NAALADL2: variants seen among roughly 807,000 people sequenced by gnomAD.
The protein encoded by NAALADL2 is N-acetylated alpha-linked acidic dipeptidase like 2.
NAALADL2 carries 76 observed loss-of-function variants against 87.2 expected under a neutral mutation model. That is an observed-to-expected ratio of 0.87 (90% CI 0.72 to 1.05). The LOEUF is 1.05. NAALADL2 is among the 50% of genes least tolerant of loss of function. The pLI is 0.00. For synonymous variants in NAALADL2, 354 were observed against 331.0 expected (o/e 1.07, Z -0.75); for missense variants, 1,089 against 945.8 (o/e 1.15, Z -1.99).
At chr3:174,470,726 A>G (rs946396825) in intron 1 of NAALADL2, among the ~76,000 whole-genome samples, 2 of 152,112 alleles carry the variant, frequency 1.3e-5, no homozygotes, top group African/African-American at 4.8e-5. Flanking sequence ...TGAATAGGGT[A>G]TCCTTTTCCT....
intron 5 of NAALADL2, among the ~76,000 whole-genome samples, chr3:175,339,022 A>G (rs866431445): frequency 2.6e-5 from 4 of 152,336 alleles, no homozygotes; most frequent in Middle Eastern, 3.4e-3. Flanking sequence ...TCACTGAAAC[A>G]AAGCCTCCAG....
intron 3 of NAALADL2, among the ~76,000 whole-genome samples, chr3:174,847,605 C>A (rs987027591): frequency 1.3e-5 from 2 of 152,096 alleles, no homozygotes; most frequent in African/African-American, 4.8e-5. Context: ...AGAGACTAAA[C>A]CATCTTATTA....
intron 4 of NAALADL2, among the ~76,000 whole-genome samples, chr3:175,282,846 T>G (rs1044484180): frequency 6.6e-6 from 1 of 151,994 alleles, no homozygotes; most frequent in African/African-American, 2.4e-5. Context: ...TATTTTATTT[T>G]TATCTACTTT....
chr3:174,706,756 T>G (rs1730108447), intron 2 of NAALADL2, among the ~76,000 whole-genome samples: 1 of 152,216 alleles, frequency 6.6e-6, no homozygotes, highest in Non-Finnish European at 1.5e-5. Flanking sequence ...CTTCTAGGGT[T>G]TTTATGGTTT....
chr3:174,560,475 C>T (rs1179749221), intron 2 of NAALADL2, among the ~76,000 whole-genome samples: 1 of 152,140 alleles, frequency 6.6e-6, no homozygotes, highest in Admixed American at 6.5e-5. Flanking sequence ...TCTTTGAGGG[C>T]AGATACTGAC....
chr3:174,670,921 T>C (rs1726469494), intron 2 of NAALADL2, among the ~76,000 whole-genome samples: 1 of 152,016 alleles, frequency 6.6e-6, no homozygotes, highest in Non-Finnish European at 1.5e-5. Context: ...ACTATCCACC[T>C]TTGTACTGTC....
chr3:175,787,856 ATAAAG>A (rs1384855010), intron 13 of NAALADL2, among the ~76,000 whole-genome samples: 2 of 152,246 alleles, frequency 1.3e-5, no homozygotes, highest in African/African-American at 4.8e-5. Flanking sequence ...TACAAAGTTC[ATAAAG>A]TAAAATAGTT....
chr3:174,873,350 G>A (rs1427607482), intron 1 of NAALADL2, among the ~76,000 whole-genome samples: 1 of 151,942 alleles, frequency 6.6e-6, no homozygotes, highest in Non-Finnish European at 1.5e-5. Context: ...CGCCTCCCGG[G>A]TTCAAGTGAT....
chr3:175,505,416 C>T (rs1035210568), intron 9 of NAALADL2, among the ~76,000 whole-genome samples: 4 of 152,082 alleles, frequency 2.6e-5, no homozygotes. Context: ...CCAAGTCAAC[C>T]CACAGTCCAT....
chr3:175,607,903 A>G (rs529628773), intron 10 of NAALADL2, among the ~76,000 whole-genome samples: 920 of 58,186 alleles, frequency 0.016, 7 homozygotes, highest in African/African-American at 0.046. Flanking sequence ...CATGGAACAC[A>G]CACACACACG....
At chr3:175,015,834 A>G (rs1188188542) in intron 1 of NAALADL2, among the ~76,000 whole-genome samples, 1 of 152,100 alleles carries the variant, frequency 6.6e-6, no homozygotes, top group African/African-American at 2.4e-5. Flanking sequence ...AAAAATAAGT[A>G]ATTTATGAGG....
chr3:174,804,313 T>G (rs531099200), intron 3 of NAALADL2, among the ~76,000 whole-genome samples: 1 of 152,306 alleles, frequency 6.6e-6, no homozygotes, highest in South Asian at 2.1e-4. Flanking sequence ...TGCACATTGA[T>G]TTTGTATCCT....
At chr3:175,610,343 T>C (rs766169600) in intron 10 of NAALADL2, among the ~76,000 whole-genome samples, 3 of 152,176 alleles carry the variant, frequency 2.0e-5, no homozygotes, top group Admixed American at 6.5e-5. Context: ...TATTTAACAA[T>C]GTCAATGACT....
intron 13 of NAALADL2, among the ~76,000 whole-genome samples, chr3:175,768,743 T>C (rs1313528220): frequency 6.6e-6 from 1 of 151,820 alleles, no homozygotes; most frequent in African/African-American, 2.4e-5. Context: ...TCCTAGCTTC[T>C]CAGGAGGCTG....
chr3:175,466,833 G>A, intron 7 of NAALADL2, 146 bp from the exon 8 acceptor site: 1 of 667,974 alleles, frequency 1.5e-6, no homozygotes, highest in Non-Finnish European at 2.6e-6. Flanking sequence ...TTAAGACAGT[G>A]AGCAAAAAAA....
intron 12 of NAALADL2, 93 bp from the exon 13 acceptor site, chr3:175,755,127 G>T: frequency 1.9e-6 from 2 of 1,045,650 alleles, no homozygotes; most frequent in Non-Finnish European, 1.4e-6. Flanking sequence ...TCAGTGGTCT[G>T]TCTGGCTTAT....
At chr3:175,607,505 T>G (rs1582602930) in intron 10 of NAALADL2, among the ~76,000 whole-genome samples, 1 of 151,736 alleles carries the variant, frequency 6.6e-6, no homozygotes, top group Admixed American at 6.6e-5. Context: ...CTAATCTCTA[T>G]TTTATGGGCA....
chr3:174,709,510 G>T (rs1730420832), intron 2 of NAALADL2, among the ~76,000 whole-genome samples: 1 of 152,062 alleles, frequency 6.6e-6, no homozygotes, highest in Non-Finnish European at 1.5e-5. Flanking sequence ...GGTTTCTAAA[G>T]TTAATATTAT....
intron 1 of NAALADL2, among the ~76,000 whole-genome samples, chr3:175,090,861 A>T (rs987921875): frequency 6.3e-5 from 5 of 79,786 alleles, no homozygotes; most frequent in African/African-American, 3.3e-4. Context: ...AGCAACAAAT[A>T]ATTATTTCTT....
Sources: gnomAD v4.1 joint callset for allele counts (sites outside exome capture counted in the v4.1 genomes callset) on GRCh38, gnomAD v4.1.1 for gene constraint, MANE v1.5 for transcripts, NCBI Gene and HGNC (gene_info 2026-07-23, HGNC 2026-07-21) for gene names.